Variants in ALYREF observed in about 807,000 individuals in gnomAD.
The protein encoded by ALYREF is THO complex subunit 4.
ALYREF carries 1 observed loss-of-function variant against 25.2 expected under a neutral mutation model. That is an observed-to-expected ratio of 0.04 (90% CI 0.01 to 0.19). ALYREF has a LOEUF of 0.19. Ranked by LOEUF, ALYREF falls within the 10% of genes least tolerant of loss-of-function variation. The pLI is 1.00. For missense variants in ALYREF, 328 were observed against 375.6 expected (o/e 0.87, Z 1.05); for synonymous variants, 193 against 153.5 (o/e 1.26, Z -1.90).
At position 81,888,129 on chromosome 17, in the gene ALYREF, G is replaced by A. The variant is rs779790027; in HGVS notation, c.*2C>T. On this transcript the variant is annotated 3_prime_UTR_variant, in exon 6 of 6. Coordinates refer to ENST00000505490, the MANE Select transcript of ALYREF (RefSeq NM_005782.4). This position sits in a 1 kb window ranked among gnomAD's most constrained non-coding sequence, Gnocchi z 5.8. ...GTTCCGCACGCGGATTTGCTGGTCT[G>A]TTTAACTGGTGTCCATCTGAAACAC... is the stretch of plus-strand genomic sequence containing the variant. 5.0e-6 allele frequency: 8 copies of A among 1,614,028 alleles called. No homozygotes were observed. Among genetic ancestry groups the A allele is most frequent in the South Asian group, 1.1e-5 (1 of 91,082 alleles).
At chr17:81,891,168 A>G (rs1268303729) in intron 1 of ALYREF, among the ~76,000 whole-genome samples, 155 bp downstream of exon 1, 1 of 41,846 alleles carries the variant, frequency 2.4e-5, no homozygotes, top group South Asian at 9.2e-4. Flanking sequence ...CCCGCCCACC[A>G]CCCCCTCCGC....
chr17:81,890,808 G>A lies in ALYREF; in HGVS notation c.271C>T (p.Pro91Ser). 5.6e-6 allele frequency: 9 copies of A among 1,614,108 alleles called. No individual in the cohort carries two copies. Among genetic ancestry groups the A allele is most frequent in the Non-Finnish European group, 7.6e-6 (9 of 1,179,992 alleles). ...PAPYSRPKQL[P>S]DKWQHDLFDS... ...AAAAGATCGTGCTGCCACTTGTCGGGAAGTTGTTTTGGCTGAAAAAAAAAC... is the reference window on the plus strand; with the variant it reads ...AAAAGATCGTGCTGCCACTTGTCGGAAAGTTGTTTTGGCTGAAAAAAAAAC... Residue 91 changes from proline (P) to serine (S), a missense_variant, in exon 2 of 6, where the codon CCC becomes TCC. By Grantham distance (74) the Pro-to-Ser change is moderately conservative (BLOSUM62 -1). Transcript: ENST00000505490.
Position 81,891,425 on chromosome 17 carries a change from G to C in ALYREF, c.156C>G (p.Ala52=). ...QGGRGGGAQA[A]ARVNRGGGPI... ...GCCCGCCGCCTCGATTCACTCGCGCGGCGGCCTGCGCCCCACCGCCGCGGC... is the reference window on the plus strand; with the variant it reads ...GCCCGCCGCCTCGATTCACTCGCGCCGCGGCCTGCGCCCCACCGCCGCGGC... The change falls in exon 1 of 6, where the codon GCC becomes GCG. Residue 52 remains alanine (A), a synonymous_variant. Transcript: ENST00000505490. 9.8e-7 allele frequency: 1 copy of C among 1,017,896 alleles called. No homozygotes were observed. Among genetic ancestry groups the C allele is most frequent in the Non-Finnish European group, 1.2e-6 (1 of 853,758 alleles). The allele number at this position is 1,017,896 out of a possible 1,614,324, so 63.1% of individuals were successfully genotyped here.
chr17:81,889,303 C>T lies in ALYREF; in HGVS notation c.417G>A (p.Leu139=), dbSNP rs761038092. 1.2e-5 allele frequency: 19 copies of T among 1,614,154 alleles called. No individual in the cohort carries two copies. In the East Asian group the frequency reaches 4.2e-4, roughly 36 times the overall value. ...GATCATAGTGCACAGCCGCCTTCTTCAGCGTTCCAAATTCAGCAAAGAGTT... is the reference window on the plus strand; with the variant it reads ...GATCATAGTGCACAGCCGCCTTCTTTAGCGTTCCAAATTCAGCAAAGAGTT... ...IQELFAEFGT[L]KKAAVHYDRS... is the part of the protein sequence containing the mutation. Residue 139 remains leucine, a synonymous_variant, in exon 3 of 6, where the codon CTG becomes CTA. Transcript: ENST00000505490.
chr17:81,890,836 CA>C lies in ALYREF; in HGVS notation c.259-17del, dbSNP rs777262141. The C allele has an allele frequency of 1.2e-6, 2 of 1,613,978 alleles. No individual in the cohort carries two copies. Among genetic ancestry groups the C allele is most frequent in the Non-Finnish European group, 1.7e-6 (2 of 1,179,986 alleles). ...GTTGTTTTGGCTGAAAAAAAAACCG[CA>C]ACAAGAGCAGATCTGTGAGTCTCAG... is the stretch of plus-strand genomic sequence containing the variant. On this transcript the variant is annotated splice_polypyrimidine_tract_variant and intron_variant, in intron 1 of 5. Coordinates refer to ENST00000505490, the MANE Select transcript of ALYREF (RefSeq NM_005782.4).
rs756891793 is a variant in ALYREF at position 81,889,345 on chromosome 17, A to C, written c.391-16T>G. The C allele has an allele frequency of 6.2e-7, 1 of 1,609,872 alleles. No homozygotes were observed. Among genetic ancestry groups the C allele is most frequent in the South Asian group, 1.1e-5 (1 of 91,056 alleles). Reference sequence around the variant, plus strand: ...CAAAGAGTTCCTGGGAGTTGCAGAGAGCAGTTGTCAGAAAAGCAACAAAAC... The same window carrying C: ...CAAAGAGTTCCTGGGAGTTGCAGAGCGCAGTTGTCAGAAAAGCAACAAAAC... On this transcript the variant is annotated splice_polypyrimidine_tract_variant and intron_variant, in intron 2 of 5. Transcript: ENST00000505490.
rs149852847 is a variant in ALYREF at position 81,888,065 on chromosome 17, G to A, written c.*66C>T. Reference sequence around the variant, plus strand: ...CATTGGCCGCACAGCCCCAGCCACCGCCCCCCAACCAGGGAGCAAGAGGAG... The same window carrying A: ...CATTGGCCGCACAGCCCCAGCCACCACCCCCCAACCAGGGAGCAAGAGGAG... On this transcript the variant is annotated 3_prime_UTR_variant, in exon 6 of 6. Coordinates refer to ENST00000505490, the MANE Select transcript of ALYREF (RefSeq NM_005782.4). This position sits in a 1 kb window ranked among gnomAD's most constrained non-coding sequence, Gnocchi z 5.8. 1,709 of 1,604,258 alleles carry A rather than the reference G, an allele frequency of 1.1e-3. 3 individuals carry two copies. Among genetic ancestry groups the A allele is most frequent in the Middle Eastern group, 1.8e-3 (9 of 5,112 alleles).
chr17:81,888,800 G>A lies in ALYREF; in HGVS notation c.539-217C>T. The A allele has an allele frequency of 7.0e-7, 1 of 1,427,620 alleles. No individual in the cohort carries two copies. The highest frequency in any genetic ancestry group is 9.1e-7 in the Non-Finnish European group (1 of 1,093,370). The allele number at this position is 1,427,620 out of a possible 1,614,324, so 88.4% of individuals were successfully genotyped here. ...CCTCACTCCTTCTCAGTCCAGACTA[G>A]GTGGGCTGCTCGCTGAGGTATCGGG... On this transcript the variant is annotated intron_variant, in intron 3 of 5. Coordinates refer to ENST00000505490, the MANE Select transcript of ALYREF (RefSeq NM_005782.4). The surrounding 1 kb of genome is among the most constrained non-coding windows in gnomAD (Gnocchi z 5.8).
Position 81,888,309 on chromosome 17 carries a change from C to G in ALYREF, c.712G>C (p.Gly238Arg). The G allele has an allele frequency of 6.2e-7, 1 of 1,607,372 alleles. No homozygotes were observed. The highest frequency in any genetic ancestry group is 8.5e-7 in the Non-Finnish European group (1 of 1,178,862). The change falls in exon 5 of 6, where the codon GGC becomes CGC. Residue 238 changes from glycine to arginine, a missense_variant. Coordinates refer to ENST00000505490, the MANE Select transcript of ALYREF (RefSeq NM_005782.4). The surrounding 1 kb of genome is among the most constrained non-coding windows in gnomAD (Gnocchi z 5.8). ...GGARGRGRGA[G>R]RNSKQQLSAE... ...GAAAGCTGCTGCTTTGAATTCCTGC[C>G]GGCACCTCTGCCTCTTCCACGGGCG...
Position 81,890,777 on chromosome 17 carries a change from C to T in ALYREF, c.302G>A (p.Ser101Asn). 1 of 1,614,196 alleles carries T rather than the reference C, an allele frequency of 6.2e-7. No homozygotes were observed. ...CACGCCGGCACCACCGCCGAAGCCA[C>T]TGTCGAAAAGATCGTGCTGCCACTT... The part of the protein sequence containing the change: ...PDKWQHDLFD[S>N]GFGGGAGVET... Residue 101 changes from serine to asparagine, a missense_variant, in exon 2 of 6, where the codon AGT becomes AAT. Transcript: ENST00000505490.
chr17:81,888,025 A>G lies in ALYREF; in HGVS notation c.*106T>C. 7.1e-7 allele frequency: 1 copy of G among 1,417,458 alleles called. No individual in the cohort carries two copies. Among genetic ancestry groups the G allele is most frequent in the South Asian group, 1.3e-5 (1 of 77,496 alleles). 87.8% of individuals were successfully genotyped at this position (1,417,458 alleles called of 1,614,324 possible). A position where few individuals can be genotyped will look rare whatever the true frequency, so the allele number is the denominator to read the frequency against. On this transcript the variant is annotated 3_prime_UTR_variant, in exon 6 of 6. Transcript: ENST00000505490. The surrounding 1 kb of genome is among the most constrained non-coding windows in gnomAD (Gnocchi z 5.8). ...TTTTAAATCCTATTTTAAAACATAA[A>G]AGAAACAAATCCATCATTGGCCGCA... is the stretch of plus-strand genomic sequence containing the variant.
chr17:81,888,782 CCTT>C lies in ALYREF; in HGVS notation c.539-202_539-200del, dbSNP rs750065279. 10 of 1,441,962 alleles carry C rather than the reference CCTT, an allele frequency of 6.9e-6. No individual in the cohort carries two copies. The highest frequency in any genetic ancestry group is 8.2e-6 in the Non-Finnish European group (9 of 1,098,942). 89.3% of individuals were successfully genotyped at this position (1,441,962 alleles called of 1,614,324 possible). A position where few individuals can be genotyped will look rare whatever the true frequency, so the allele number is the denominator to read the frequency against. On this transcript the variant is annotated intron_variant, in intron 3 of 5. Transcript: ENST00000505490. This position sits in a 1 kb window ranked among gnomAD's most constrained non-coding sequence, Gnocchi z 5.8. The stretch of plus-strand genomic sequence containing the variant: ...GCAACCCCACCAACACCTCCTCACT[CCTT>C]CTCAGTCCAGACTAGGTGGGCTGCT...
chr17:81,889,676 C>G lies in ALYREF; in HGVS notation c.391-347G>C, dbSNP rs938517375. On this transcript the variant is annotated intron_variant, in intron 2 of 5. Transcript: ENST00000505490. ...GGCTGTTCCAAGAAACGGTAAAGGC[C>G]AAAATCAAGAGCAAGGGAAGCAGTC... The G allele has an allele frequency of 1.7e-5, 4 of 238,266 alleles. No individual in the cohort carries two copies. In the Admixed American group the frequency reaches 1.9e-4, roughly 11 times the overall value. 14.8% of individuals were successfully genotyped at this position (238,266 alleles called of 1,614,324 possible). A position where few individuals can be genotyped will look rare whatever the true frequency, so the allele number is the denominator to read the frequency against.
chr17:81,887,973 A>AAG lies in ALYREF; in HGVS notation c.*157_*158insCT. The AAG allele has an allele frequency of 1.4e-6, 1 of 698,804 alleles. No homozygotes were observed. The highest frequency in any genetic ancestry group is 2.1e-6 in the Non-Finnish European group (1 of 476,700). 43.3% of individuals were successfully genotyped at this position (698,804 alleles called of 1,614,324 possible). On this transcript the variant is annotated 3_prime_UTR_variant, in exon 6 of 6. Transcript: ENST00000505490. ...GTTTCAGAATTAAAAAAAAAAAAAA[A>AAG]GAAAAAAAAAAAACCTTTACATGAG... is the stretch of plus-strand genomic sequence containing the variant.
chr17:81,888,503 G>A lies in ALYREF; in HGVS notation c.602+17C>T, dbSNP rs753034731. The A allele has an allele frequency of 2.5e-6, 4 of 1,599,968 alleles. No homozygotes were observed. Among genetic ancestry groups the A allele is most frequent in the Non-Finnish European group, 2.6e-6 (3 of 1,172,326 alleles). The stretch of plus-strand genomic sequence containing the variant: ...CACCCTCGGCCAATCCCCTTCCCCA[G>A]AGGCCCCGGAAGTCACCTCTGTGCA... On this transcript the variant is annotated intron_variant, in intron 4 of 5. Coordinates refer to ENST00000505490, the MANE Select transcript of ALYREF (RefSeq NM_005782.4). This position sits in a 1 kb window ranked among gnomAD's most constrained non-coding sequence, Gnocchi z 5.8.
chr17:81,888,709 A>G lies in ALYREF; in HGVS notation c.539-126T>C. 5 of 1,497,792 alleles carry G rather than the reference A, an allele frequency of 3.3e-6. No individual in the cohort carries two copies. The highest frequency in any genetic ancestry group is 3.6e-6 in the Non-Finnish European group (4 of 1,117,214). The allele number at this position is 1,497,792 out of a possible 1,614,324, so 92.8% of individuals were successfully genotyped here. A position where few individuals can be genotyped will look rare whatever the true frequency, so the allele number is the denominator to read the frequency against. On this transcript the variant is annotated intron_variant, in intron 3 of 5. Coordinates refer to ENST00000505490, the MANE Select transcript of ALYREF (RefSeq NM_005782.4). This position sits in a 1 kb window ranked among gnomAD's most constrained non-coding sequence, Gnocchi z 5.8. ...TCTGTGCGTCTCAAATGCCCCCGAC[A>G]AGGGAAATGGCCTGGAGATACTGGT...
intron 2 of ALYREF, among the ~76,000 whole-genome samples, chr17:81,890,379 G>A (rs549579681): frequency 6.6e-6 from 1 of 152,110 alleles, no homozygotes; most frequent in Admixed American, 6.5e-5. Context: ...AACTGGGCTG[G>A]GTCTAACAGC....
Position 81,888,595 on chromosome 17 carries a change from A to C in ALYREF, c.539-12T>G. 1.9e-6 allele frequency: 3 copies of C among 1,585,240 alleles called. No individual in the cohort carries two copies. Among genetic ancestry groups the C allele is most frequent in the Non-Finnish European group, 2.6e-6 (3 of 1,164,582 alleles). ...GTTCATGGGGCGGCCTGCGGCAAAGAATACGAGAAGGCACGTTCTATTGAG... is the reference window on the plus strand; with the variant it reads ...GTTCATGGGGCGGCCTGCGGCAAAGCATACGAGAAGGCACGTTCTATTGAG... On this transcript the variant is annotated splice_polypyrimidine_tract_variant and intron_variant, in intron 3 of 5. Transcript: ENST00000505490. The surrounding 1 kb of genome is among the most constrained non-coding windows in gnomAD (Gnocchi z 5.8).
chr17:81,888,691 G>A lies in ALYREF; in HGVS notation c.539-108C>T, dbSNP rs534603839. On this transcript the variant is annotated intron_variant, in intron 3 of 5. Transcript: ENST00000505490. This position sits in a 1 kb window ranked among gnomAD's most constrained non-coding sequence, Gnocchi z 5.8. ...CAAACACTGGAAAGGGCCTCTGTGCGTCTCAAATGCCCCCGACAAGGGAAA... is the reference window on the plus strand; with the variant it reads ...CAAACACTGGAAAGGGCCTCTGTGCATCTCAAATGCCCCCGACAAGGGAAA... 399 of 1,514,690 alleles carry A rather than the reference G, an allele frequency of 2.6e-4. 4 individuals are homozygous for A. The South Asian group carries it at 4.2e-3, about 16-fold the overall frequency. The allele number at this position is 1,514,690 out of a possible 1,614,324, so 93.8% of individuals were successfully genotyped here. A position where few individuals can be genotyped will look rare whatever the true frequency, so the allele number is the denominator to read the frequency against.
Sources: gnomAD v4.1 joint callset for allele counts (sites outside exome capture counted in the v4.1 genomes callset) on GRCh38, gnomAD v4.1.1 for gene constraint, Gnocchi (gnomAD v3.1) non-coding constraint, MANE v1.5 for transcripts, NCBI Gene and HGNC (gene_info 2026-07-23, HGNC 2026-07-21) for gene names.